Variants in TNFSF12 observed in about 807,000 individuals in gnomAD.
The protein encoded by TNFSF12 is TNF superfamily member 12.
In TNFSF12, 16 loss-of-function variants were observed where a neutral mutation model predicts 31.2. That is an observed-to-expected ratio of 0.51 (90% CI 0.35 to 0.78). The LOEUF (loss-of-function observed/expected upper bound fraction) is 0.78, where lower values mean the gene tolerates loss of function less well. Among genes scored for constraint, TNFSF12 ranks in the 30% least tolerant of loss-of-function variants. The pLI, the probability that TNFSF12 is intolerant of heterozygous loss-of-function variation, is 0.01. For missense variants in TNFSF12, 324 were observed against 338.8 expected, an observed-to-expected ratio of 0.96 and a Z score of 0.34; for synonymous variants, 150 against 151.4, an observed-to-expected ratio of 0.99 and a Z score of 0.07.
At chr17:7,553,537 C>A in intron 5 of TNFSF12, 1 of 889,776 alleles carries the variant, frequency 1.1e-6, no homozygotes, top group Non-Finnish European at 1.6e-6. Flanking sequence ...CTTATCTAAT[C>A]CTCACAACAG....
chr17:7,550,281 A>G lies in TNFSF12; in HGVS notation c.283+86A>G. ...GAGAAACTGAGGCACGGAGGGTGAA[A>G]GGAGTTCAGAGTCATGCAGCTAACC... On this transcript the variant is annotated intron_variant, in intron 3 of 6. Transcript: ENST00000293825. The surrounding 1 kb of genome is among the most constrained non-coding windows in gnomAD (Gnocchi z 4.4). 6.3e-7 allele frequency: 1 copy of G among 1,596,646 alleles called. No individual in the cohort carries two copies. Among genetic ancestry groups the G allele is most frequent in the South Asian group, 1.1e-5 (1 of 90,694 alleles).
intron 5 of TNFSF12, among the ~76,000 whole-genome samples, chr17:7,554,305 CTCTTT>C (rs2071033281): frequency 7.4e-6 from 1 of 135,628 alleles, no homozygotes; most frequent in Admixed American, 8.5e-5. Context: ...AATATCCAGA[CTCTTT>C]TTTTTTTTTT....
intron 5 of TNFSF12, among the ~76,000 whole-genome samples, chr17:7,552,650 C>G (rs2071013413): frequency 6.6e-6 from 1 of 152,040 alleles, no homozygotes. Context: ...TTTAAAGCCA[C>G]AGGATTGGGT....
chr17:7,555,156 A>AT (rs397758472), intron 5 of TNFSF12, among the ~76,000 whole-genome samples: 6 of 151,272 alleles, frequency 4.0e-5, no homozygotes, highest in Admixed American at 2.6e-4. Flanking sequence ...TCAAAAAAAA[A>AT]TTTGTAATTA....
chr17:7,556,286 T>C (rs1020258183), intron 5 of TNFSF12, among the ~76,000 whole-genome samples: 2 of 152,196 alleles, frequency 1.3e-5, no homozygotes, highest in Non-Finnish European at 2.9e-5. Flanking sequence ...TGGCTGAGCA[T>C]GATGTTTTCA....
In TNFSF12 at chr17:7,549,480, G is replaced by A; in HGVS notation, c.166G>A (p.Ala56Thr). Residue 56 changes from alanine to threonine, a missense_variant, in exon 2 of 7, where the codon GCC becomes ACC. Physicochemically the swap from Ala to Thr is moderately conservative, Grantham distance 58 (BLOSUM62 0). Transcript: ENST00000293825. This position sits in a 1 kb window ranked among gnomAD's most constrained non-coding sequence, Gnocchi z 4.1. The part of the protein sequence containing the change: ...SRASLSAQEP[A>T]QEELVAEEDQ... ...GCTCCCTCCTTCCCAGCAGGAGCCT[G>A]CCCAGGAGGAGCTGGTGGCAGAGGA... 1 of 1,539,892 alleles carries A rather than the reference G, an allele frequency of 6.5e-7. No homozygotes were observed. Among genetic ancestry groups the A allele is most frequent in the East Asian group, 2.4e-5 (1 of 41,486 alleles).
At position 7,550,739 on chromosome 17, in the gene TNFSF12, A is replaced by G. The variant is rs2070991357; in HGVS notation, c.284-60A>G. On this transcript the variant is annotated intron_variant, in intron 3 of 6. Coordinates refer to ENST00000293825, the MANE Select transcript of TNFSF12 (RefSeq NM_003809.3). This position sits in a 1 kb window ranked among gnomAD's most constrained non-coding sequence, Gnocchi z 4.4. ...CCTGAGAGGGGAATGGGGCTGGGAG[A>G]GTTGCTCTGGGACCCCCACTAGGGC... 1.9e-6 allele frequency: 3 copies of G among 1,580,568 alleles called. No homozygotes were observed. Among genetic ancestry groups the G allele is most frequent in the African/African-American group, 2.7e-5 (2 of 74,454 alleles).
intron 5 of TNFSF12, among the ~76,000 whole-genome samples, chr17:7,553,215 A>G (rs1282002181): frequency 6.6e-6 from 1 of 151,454 alleles, no homozygotes; most frequent in African/African-American, 2.4e-5. Flanking sequence ...ACGCCTGGCT[A>G]ATTTTGTATT....
intron 5 of TNFSF12, 42 bp downstream of exon 5, chr17:7,551,020 A>G: frequency 6.2e-7 from 1 of 1,612,306 alleles, no homozygotes; most frequent in Non-Finnish European, 8.5e-7. Flanking sequence ...CTCCTGGGAA[A>G]AGGGCCCTTG....
At position 7,557,514 on chromosome 17, in the gene TNFSF12, A is replaced by C; in HGVS notation, c.*164A>C. The C allele has an allele frequency of 1.1e-6, 1 of 946,688 alleles. No individual in the cohort carries two copies. The highest frequency in any genetic ancestry group is 1.5e-6 in the Non-Finnish European group (1 of 659,678). 58.6% of individuals were successfully genotyped at this position (946,688 alleles called of 1,614,324 possible). A position where few individuals can be genotyped will look rare whatever the true frequency, so the allele number is the denominator to read the frequency against. ...TTCACGTGTTTTCCATCCCACATAA[A>C]TACAGTATTCCCACTCTTATCTTAC... On this transcript the variant is annotated 3_prime_UTR_variant, in exon 7 of 7. Coordinates refer to ENST00000293825, the MANE Select transcript of TNFSF12 (RefSeq NM_003809.3). The surrounding 1 kb of genome is among the most constrained non-coding windows in gnomAD (Gnocchi z 5.2).
intron 5 of TNFSF12, among the ~76,000 whole-genome samples, chr17:7,556,022 C>T (rs986840863): frequency 3.9e-5 from 5 of 127,056 alleles, no homozygotes; most frequent in Non-Finnish European, 3.2e-5. Context: ...GCTCTGTTGC[C>T]CAGGCTGGAG....
chr17:7,554,794 G>T (rs12603949), intron 5 of TNFSF12, among the ~76,000 whole-genome samples: 62,794 of 138,326 alleles, frequency 0.45, 14,813 homozygotes, highest in Non-Finnish European at 0.56. Context: ...TTTTTTTTAT[G>T]TTTTAGTAGA....
chr17:7,549,454 C>T lies in TNFSF12; in HGVS notation c.160-20C>T, dbSNP rs776037378. 6 of 1,501,030 alleles carry T rather than the reference C, an allele frequency of 4.0e-6. No individual in the cohort carries two copies. Among genetic ancestry groups the T allele is most frequent in the Admixed American group, 4.2e-5 (2 of 47,530 alleles). 93.0% of individuals were successfully genotyped at this position (1,501,030 alleles called of 1,614,324 possible). A position where few individuals can be genotyped will look rare whatever the true frequency, so the allele number is the denominator to read the frequency against. On this transcript the variant is annotated intron_variant, in intron 1 of 6. Transcript: ENST00000293825. This position sits in a 1 kb window ranked among gnomAD's most constrained non-coding sequence, Gnocchi z 4.1. ...TGTCAGGTGGAGCGGCACAGGGTGA[C>T]GCTCCCTCCTTCCCAGCAGGAGCCT...
At chr17:7,555,985 T>TAA (rs1342024954) in intron 5 of TNFSF12, among the ~76,000 whole-genome samples, 1 of 132,238 alleles carries the variant, frequency 7.6e-6, no homozygotes, top group Non-Finnish European at 1.7e-5. Flanking sequence ...TTTTTTTGTT[T>TAA]TTTTTTTTTT....
Position 7,556,908 on chromosome 17 carries a change from C to G in TNFSF12, c.498+6C>G, listed in dbSNP as rs752225159. 2 of 1,523,368 alleles carry G rather than the reference C, an allele frequency of 1.3e-6. No individual in the cohort carries two copies. Among genetic ancestry groups the G allele is most frequent in the Non-Finnish European group, 1.8e-6 (2 of 1,134,410 alleles). The allele number at this position is 1,523,368 out of a possible 1,614,324, so 94.4% of individuals were successfully genotyped here. A position where few individuals can be genotyped will look rare whatever the true frequency, so the allele number is the denominator to read the frequency against. On this transcript the variant is annotated splice_donor_region_variant and intron_variant, in intron 6 of 6. Coordinates refer to ENST00000293825, the MANE Select transcript of TNFSF12 (RefSeq NM_003809.3). ...TCTACTACCTGTACTGTCAGGTAAG[C>G]CCCATCTGGCTGCATGGGTAACGCA...
At position 7,557,575 on chromosome 17, in the gene TNFSF12, C is replaced by T; in HGVS notation, c.*225C>T. Reference sequence around the variant, plus strand: ...CCGCCCACTCTCCACCTCACTAGCTCCCCAATCCCTGACCCTTTGAGGCCC... The same window carrying T: ...CCGCCCACTCTCCACCTCACTAGCTTCCCAATCCCTGACCCTTTGAGGCCC... On this transcript the variant is annotated 3_prime_UTR_variant, in exon 7 of 7. Transcript: ENST00000293825. The surrounding 1 kb of genome is among the most constrained non-coding windows in gnomAD (Gnocchi z 5.2). 1 of 623,304 alleles carries T rather than the reference C, an allele frequency of 1.6e-6. No individual in the cohort carries two copies. The highest frequency in any genetic ancestry group is 2.3e-5 in the South Asian group (1 of 42,812). 38.6% of individuals were successfully genotyped at this position (623,304 alleles called of 1,614,324 possible). A position where few individuals can be genotyped will look rare whatever the true frequency, so the allele number is the denominator to read the frequency against.
In TNFSF12 at chr17:7,557,067, G is replaced by C; in HGVS notation, c.499-32G>C. 1 of 1,592,240 alleles carries C rather than the reference G, an allele frequency of 6.3e-7. No homozygotes were observed. Among genetic ancestry groups the C allele is most frequent in the Non-Finnish European group, 8.6e-7 (1 of 1,165,880 alleles). The stretch of plus-strand genomic sequence containing the variant: ...GGAAATTGAGGCGAGGGCAGGCAGA[G>C]GCCTGGACTCGGCCTGTTGTCCCCA... On this transcript the variant is annotated intron_variant, in intron 6 of 6. Coordinates refer to ENST00000293825, the MANE Select transcript of TNFSF12 (RefSeq NM_003809.3). The surrounding 1 kb of genome is among the most constrained non-coding windows in gnomAD (Gnocchi z 5.2).
intron 5 of TNFSF12, among the ~76,000 whole-genome samples, chr17:7,556,166 A>G (rs2071062849): frequency 6.6e-6 from 1 of 151,602 alleles, no homozygotes; most frequent in African/African-American, 2.4e-5. Context: ...TTTTTAGTAG[A>G]GACGGGGTTT....
chr17:7,555,001 G>T (rs929021356), intron 5 of TNFSF12, among the ~76,000 whole-genome samples: 10 of 151,868 alleles, frequency 6.6e-5, no homozygotes, highest in Admixed American at 5.9e-4. Flanking sequence ...AAAAAAATTA[G>T]CCAGGTTTGG....
Sources: allele counts gnomAD v4.1 joint callset (sites outside exome capture counted in the v4.1 genomes callset), GRCh38; gene constraint gnomAD v4.1.1; non-coding constraint Gnocchi (gnomAD v3.1); transcripts MANE v1.5; gene names NCBI Gene and HGNC (gene_info 2026-07-23, HGNC 2026-07-21).